PIK3AP1: variants seen among roughly 807,000 people sequenced by gnomAD.
The protein encoded by PIK3AP1 is phosphoinositide-3-kinase adaptor protein 1, also known as phosphoinositide 3-kinase adapter protein 1.
Under a neutral mutation model 88.1 loss-of-function variants are expected in PIK3AP1, and 21 were observed. The ratio of observed to expected loss-of-function variants is 0.24; its 90% CI spans 0.17 to 0.34. PIK3AP1 has a LOEUF of 0.34. Ranked by LOEUF, PIK3AP1 falls within the 10% of genes least tolerant of loss-of-function variation. The pLI, the probability that PIK3AP1 is intolerant of heterozygous loss-of-function variation, is 1.00. For missense variants in PIK3AP1, 828 were observed against 1,035.7 expected (o/e 0.80, Z 2.75); for synonymous variants, 398 against 400.0 (o/e 1.00, Z 0.06).
At chr10:96,702,111 T>C (rs1006197141) in intron 2 of PIK3AP1, among the ~76,000 whole-genome samples, 1 of 152,122 alleles carries the variant, frequency 6.6e-6, no homozygotes, top group African/African-American at 2.4e-5. Context: ...GTTGAACTCA[T>C]AGAAGCAGAG....
chr10:96,612,583 A>G (rs72817002), intron 13 of PIK3AP1, among the ~76,000 whole-genome samples: 6,945 of 152,140 alleles, frequency 0.046, 207 homozygotes, highest in African/African-American at 0.086. Flanking sequence ...ACTCAACCAT[A>G]AATGATGCCT....
intron 13 of PIK3AP1, among the ~76,000 whole-genome samples, chr10:96,612,948 GTGTATATATATATA>G (rs1159307071): frequency 3.5e-4 from 16 of 46,312 alleles, no homozygotes; most frequent in African/African-American, 1.3e-3. Context: ...TTGTGTGTGT[GTGTATATATATATA>G]TATATATATA....
chr10:96,710,204 C>T (rs1011691340), intron 1 of PIK3AP1, among the ~76,000 whole-genome samples: 4 of 146,516 alleles, frequency 2.7e-5, no homozygotes, highest in African/African-American at 1.1e-4. Context: ...AAACATACCA[C>T]GCTGTTTTAT....
At chr10:96,606,698 C>T (rs927941731) in intron 14 of PIK3AP1, among the ~76,000 whole-genome samples, 3 of 152,200 alleles carry the variant, frequency 2.0e-5, no homozygotes, top group African/African-American at 4.8e-5. Flanking sequence ...GGAGAAGTAT[C>T]GGACAAGCAT....
intron 3 of PIK3AP1, 96 bp downstream of exon 3, chr10:96,656,702 G>T: frequency 1.3e-6 from 2 of 1,501,018 alleles, no homozygotes; most frequent in South Asian, 1.2e-5. Context: ...ATACTGAGGT[G>T]CAATACAAGA....
chr10:96,681,326 T>TATGAA (rs1843996724), intron 2 of PIK3AP1, among the ~76,000 whole-genome samples: 1 of 152,156 alleles, frequency 6.6e-6, no homozygotes, highest in Non-Finnish European at 1.5e-5. Flanking sequence ...GTACGAAAGG[T>TATGAA]TAGGACTTCC....
At chr10:96,715,285 A>G (rs1027449143) in intron 1 of PIK3AP1, among the ~76,000 whole-genome samples, 1 of 152,220 alleles carries the variant, frequency 6.6e-6, no homozygotes, top group African/African-American at 2.4e-5. Flanking sequence ...CATCAAAAAC[A>G]AGGAAAATCA....
intron 2 of PIK3AP1, among the ~76,000 whole-genome samples, chr10:96,702,913 G>C: frequency 6.6e-6 from 1 of 152,096 alleles, no homozygotes; most frequent in African/African-American, 2.4e-5. Context: ...GTCTCGCTCT[G>C]TCTCCCAGGC....
At chr10:96,602,581 T>G (rs1226235640) in intron 15 of PIK3AP1, among the ~76,000 whole-genome samples, 183 bp from the exon 16 acceptor site, 1 of 152,218 alleles carries the variant, frequency 6.6e-6, no homozygotes, top group African/African-American at 2.4e-5. Context: ...ACTGAGGCAC[T>G]GAGGAAGACA....
chr10:96,672,271 T>A (rs1406643948), intron 2 of PIK3AP1, among the ~76,000 whole-genome samples: 2 of 152,216 alleles, frequency 1.3e-5, no homozygotes, highest in Non-Finnish European at 2.9e-5. Context: ...TAAGGCTGCC[T>A]GATTTCACTG....
chr10:96,626,206 T>C (rs1468438255), intron 10 of PIK3AP1, among the ~76,000 whole-genome samples: 1 of 152,214 alleles, frequency 6.6e-6, no homozygotes, highest in Admixed American at 6.5e-5. Flanking sequence ...CAGCCTAGCA[T>C]AATGGCTAAA....
chr10:96,645,195 C>T (rs1843442372), intron 8 of PIK3AP1, among the ~76,000 whole-genome samples: 1 of 152,162 alleles, frequency 6.6e-6, no homozygotes. Flanking sequence ...CTGAGAGCCA[C>T]TGATTTGGCC....
At chr10:96,611,728 A>T (rs994306724) in intron 13 of PIK3AP1, among the ~76,000 whole-genome samples, 2 of 152,156 alleles carry the variant, frequency 1.3e-5, no homozygotes, top group Non-Finnish European at 1.5e-5. Context: ...TCAGCCTCCC[A>T]AAGTGCTGGG....
chr10:96,642,782 C>T (rs1306584584), intron 8 of PIK3AP1, among the ~76,000 whole-genome samples: 1 of 152,232 alleles, frequency 6.6e-6, no homozygotes, highest in African/African-American at 2.4e-5. Context: ...ATGGAAGAGA[C>T]ACCTGTGGCA....
At chr10:96,698,897 G>A (rs1309408689) in intron 2 of PIK3AP1, among the ~76,000 whole-genome samples, 1 of 152,128 alleles carries the variant, frequency 6.6e-6, no homozygotes, top group Non-Finnish European at 1.5e-5. Flanking sequence ...AAAATATTAG[G>A]CCCGGCGTAG....
At chr10:96,701,591 C>A (rs576223098) in intron 2 of PIK3AP1, among the ~76,000 whole-genome samples, 10 of 152,240 alleles carry the variant, frequency 6.6e-5, no homozygotes, top group Admixed American at 2.0e-4. Flanking sequence ...ATTCTCCATA[C>A]GACTATCCTT....
intron 2 of PIK3AP1, among the ~76,000 whole-genome samples, chr10:96,707,418 G>A (rs943250293): frequency 3.9e-5 from 6 of 152,010 alleles, no homozygotes; most frequent in Non-Finnish European, 7.4e-5. Flanking sequence ...TCAGCCTCCC[G>A]AGTAGCTGGG....
chr10:96,597,312 T>TTCCG (rs1848781926), intron 16 of PIK3AP1, among the ~76,000 whole-genome samples: 1 of 133,188 alleles, frequency 7.5e-6, no homozygotes, highest in Non-Finnish European at 1.6e-5. Context: ...CCTTCCTTCC[T>TTCCG]TCCTTCCTTC....
intron 16 of PIK3AP1, among the ~76,000 whole-genome samples, chr10:96,597,370 C>CTT (rs1564948193): frequency 5.2e-4 from 8 of 15,400 alleles, no homozygotes; most frequent in African/African-American, 9.4e-4. Flanking sequence ...CTCTCTCTCT[C>CTT]TCTCTCTTTC....
Sources: gnomAD v4.1 joint callset for allele counts (sites outside exome capture counted in the v4.1 genomes callset) on GRCh38, gnomAD v4.1.1 for gene constraint, MANE v1.5 for transcripts, NCBI Gene and HGNC (gene_info 2026-07-23, HGNC 2026-07-21) for gene names.